Variants in POC1A observed in about 807,000 individuals in gnomAD.
POC1A encodes the protein POC1 centriolar protein homolog A.
In POC1A, 34 loss-of-function variants were observed where a neutral mutation model predicts 47.8. That is an observed-to-expected ratio of 0.71 (90% CI 0.54 to 0.95). The LOEUF (loss-of-function observed/expected upper bound fraction) is 0.95. Among genes scored for constraint, POC1A ranks in the 40% least tolerant of loss-of-function variants. The pLI, the probability that POC1A is intolerant of heterozygous loss-of-function variation, is 0.00. For synonymous variants in POC1A, 177 were observed against 207.6 expected (o/e 0.85, Z 1.27); for missense variants, 466 against 528.3 (o/e 0.88, Z 1.16).
chr3:52,122,766 G>A (rs1703836822), intron 8 of POC1A, among the ~76,000 whole-genome samples: 3 of 152,248 alleles, frequency 2.0e-5, no homozygotes, highest in Admixed American at 2.0e-4. Flanking sequence ...ACAGGCCCGA[G>A]CTTCATGGGG....
intron 7 of POC1A, among the ~76,000 whole-genome samples, chr3:52,128,257 G>A (rs1254783776): frequency 4.6e-5 from 7 of 152,154 alleles, no homozygotes; most frequent in Admixed American, 4.6e-4. Flanking sequence ...AACCACCAGA[G>A]GCCAAGTTGG....
At chr3:52,136,898 T>C (rs1046604418) in intron 7 of POC1A, among the ~76,000 whole-genome samples, 1 of 152,250 alleles carries the variant, frequency 6.6e-6, no homozygotes, top group East Asian at 1.9e-4. Context: ...GGTGATCACT[T>C]GATAGGCATC....
intron 1 of POC1A, 173 bp from the exon 2 acceptor site, chr3:52,151,273 T>C (rs963416002): frequency 2.2e-5 from 19 of 868,212 alleles, no homozygotes; most frequent in Non-Finnish European, 2.9e-5. Flanking sequence ...CTAGGAATAG[T>C]TTTTACTATT....
At chr3:52,083,098 G>A (rs1702352978) in intron 10 of POC1A, among the ~76,000 whole-genome samples, 1 of 152,130 alleles carries the variant, frequency 6.6e-6, no homozygotes, top group Non-Finnish European at 1.5e-5. Flanking sequence ...GGTGGCTGGG[G>A]GGAGAGCCTT....
intron 5 of POC1A, 24 bp downstream of exon 5, chr3:52,146,964 G>A (rs1457905395): frequency 1.9e-6 from 3 of 1,583,986 alleles, no homozygotes; most frequent in Non-Finnish European, 2.6e-6. Flanking sequence ...GCCTACAGGT[G>A]GAGGACAGCA....
At chr3:52,099,111 G>A (rs766179397) in intron 9 of POC1A, among the ~76,000 whole-genome samples, 20 of 152,014 alleles carry the variant, frequency 1.3e-4, no homozygotes, top group African/African-American at 2.7e-4. Flanking sequence ...TGCTTTTTGC[G>A]TCACTTCCCC....
In POC1A at chr3:52,085,889, T is replaced by C. The variant is rs368127765; in HGVS notation, c.1126-9904A>G. Among the ~76,000 whole-genome samples the C allele has an allele frequency of 1.8e-4, 27 of 152,290 alleles. 1 individual carries two copies. In the South Asian group the frequency reaches 5.2e-3, roughly 29 times the overall value. ...GCACAGGCATGCACTATGGGGAACATGACTCCTCTAGCCATTGCCCTGGCT... is the reference window on the plus strand; with the variant it reads ...GCACAGGCATGCACTATGGGGAACACGACTCCTCTAGCCATTGCCCTGGCT... On this transcript the variant is annotated intron_variant, in intron 10 of 10. Transcript: ENST00000296484.
chr3:52,150,916 G>C, intron 2 of POC1A, 100 bp downstream of exon 2: 2 of 1,021,160 alleles, frequency 2.0e-6, no homozygotes, highest in East Asian at 4.8e-5. Flanking sequence ...ACAAAGCTGT[G>C]CAGTCCTTGT....
chr3:52,113,832 G>A (rs558005595), intron 9 of POC1A, among the ~76,000 whole-genome samples: 3 of 152,300 alleles, frequency 2.0e-5, no homozygotes, highest in Admixed American at 6.5e-5. Flanking sequence ...CACTTTCCAC[G>A]AATTCTATTG....
At chr3:52,154,118 T>C (rs528820674) in intron 1 of POC1A, among the ~76,000 whole-genome samples, 2 of 152,338 alleles carry the variant, frequency 1.3e-5, no homozygotes, top group African/African-American at 4.8e-5. Context: ...ATGCAAACTA[T>C]GGAGGCAGAG....
At chr3:52,082,460 C>T (rs539538421) in intron 10 of POC1A, among the ~76,000 whole-genome samples, 1 of 152,260 alleles carries the variant, frequency 6.6e-6, no homozygotes, top group African/African-American at 2.4e-5. Flanking sequence ...TCTAGGAGCT[C>T]GGACCAGGTG....
rs546284309 is a variant in POC1A, at chr3:52,137,385, C to T, written c.813+784G>A. On this transcript the variant is annotated intron_variant, in intron 7 of 10. Coordinates refer to ENST00000296484, the MANE Select transcript of POC1A (RefSeq NM_015426.5). ...AGACACATAAGCACCCCCAGGGCCTCCCTCAGCATGGCAGGCAGATTAGAG... is the reference window on the plus strand; with the variant it reads ...AGACACATAAGCACCCCCAGGGCCTTCCTCAGCATGGCAGGCAGATTAGAG... Among the ~76,000 whole-genome samples, 3 of 152,200 alleles carry T rather than the reference C, an allele frequency of 2.0e-5. 1 individual carries two copies. In the South Asian group the frequency reaches 6.2e-4, roughly 31 times the overall value.
intron 4 of POC1A, 128 bp from the exon 5 acceptor site, chr3:52,147,223 C>A (rs1250287587): frequency 4.6e-6 from 3 of 651,660 alleles, no homozygotes; most frequent in Non-Finnish European, 5.4e-6. Flanking sequence ...GGGTCACATG[C>A]CCTGCTGTGA....
chr3:52,092,284 G>A (rs551662470), intron 10 of POC1A, among the ~76,000 whole-genome samples: 1 of 152,344 alleles, frequency 6.6e-6, no homozygotes, highest in East Asian at 1.9e-4. Context: ...CCCTGGGCAA[G>A]AGCTTCTGGC....
At chr3:52,083,113 C>T (rs557912967) in intron 10 of POC1A, among the ~76,000 whole-genome samples, 6 of 152,092 alleles carry the variant, frequency 3.9e-5, no homozygotes, top group Non-Finnish European at 5.9e-5. Flanking sequence ...AGCCTTAGCT[C>T]CTCTGAGGTA....
chr3:52,130,463 C>T (rs544523641), intron 7 of POC1A, among the ~76,000 whole-genome samples: 1 of 152,356 alleles, frequency 6.6e-6, no homozygotes, highest in African/African-American at 2.4e-5. Flanking sequence ...CATAACTCCA[C>T]AGACGGGGAG....
intron 6 of POC1A, among the ~76,000 whole-genome samples, chr3:52,142,130 T>A (rs1698218469): frequency 6.6e-6 from 1 of 152,248 alleles, no homozygotes; most frequent in Non-Finnish European, 1.5e-5. Context: ...ATGCTCCGCA[T>A]CTGTGAAATG....
rs1577809724 is a variant in POC1A at position 52,088,930 on chromosome 3, C to T, written c.1125+7639G>A. Among the ~76,000 whole-genome samples the T allele has an allele frequency of 2.7e-5, 4 of 146,176 alleles. No individual in the cohort carries two copies. The East Asian group carries it at 7.9e-4, about 29-fold the overall frequency. ...GAGCCTCAGAAGAAATCTCGTATGA[C>T]CGACCATGAACATTCCCAGGCCCCA... On this transcript the variant is annotated intron_variant, in intron 10 of 10. Transcript: ENST00000296484.
chr3:52,102,130 C>A (rs189333536), intron 9 of POC1A, among the ~76,000 whole-genome samples: 12 of 152,168 alleles, frequency 7.9e-5, no homozygotes, highest in African/African-American at 2.4e-4. Context: ...AGCTTGTTTG[C>A]TGTTTCTCTG....
Sources: allele counts gnomAD v4.1 joint callset (sites outside exome capture counted in the v4.1 genomes callset), GRCh38; gene constraint gnomAD v4.1.1; transcripts MANE v1.5; gene names NCBI Gene and HGNC (gene_info 2026-07-23, HGNC 2026-07-21).